Variants in STAU2 observed in about 807,000 individuals in gnomAD.
STAU2 encodes double-stranded RNA-binding protein Staufen homolog 2.
In STAU2, 20 loss-of-function variants were observed where a neutral mutation model predicts 65.9. The observed-to-expected ratio is 0.30, with a 90% CI of 0.21 to 0.44. The LOEUF (loss-of-function observed/expected upper bound fraction) is 0.44, where lower values mean the gene tolerates loss of function less well. STAU2 is among the 20% of genes least tolerant of loss of function. The probability of loss-of-function intolerance (pLI) is 1.00; values close to 1 mark genes in which losing one functional copy is unlikely to be tolerated. For synonymous variants in STAU2, 232 were observed against 233.9 expected (o/e 0.99, Z 0.07); for missense variants, 558 against 683.9 (o/e 0.82, Z 2.05).
intron 12 of STAU2, among the ~76,000 whole-genome samples, chr8:73,568,890 C>T (rs751800097): frequency 3.5e-4 from 53 of 152,272 alleles, no homozygotes; most frequent in Middle Eastern, 3.4e-3. Flanking sequence ...CAGCTCCATG[C>T]TGCAGCTCCC....
At chr8:73,659,853 C>T (rs1364615964) in intron 6 of STAU2, among the ~76,000 whole-genome samples, 3 of 152,042 alleles carry the variant, frequency 2.0e-5, no homozygotes. Context: ...ATTACGAATT[C>T]AGTATTAATC....
chr8:73,719,063 A>G (rs1429349989), intron 3 of STAU2, among the ~76,000 whole-genome samples: 1 of 152,200 alleles, frequency 6.6e-6, no homozygotes, highest in Non-Finnish European at 1.5e-5. Flanking sequence ...GGCAACGTCA[A>G]ACGGAACTGG....
chr8:73,495,685 A>ATATATATATATATATATATATG (rs1199482749), intron 13 of STAU2, among the ~76,000 whole-genome samples: 3 of 147,622 alleles, frequency 2.0e-5, no homozygotes, highest in African/African-American at 7.4e-5. Flanking sequence ...ATATATATAT[A>ATATATATATATATATATATATG]TATGTATAGT....
chr8:73,591,901 A>AAAC (rs1810823421), intron 11 of STAU2, among the ~76,000 whole-genome samples: 5 of 142,176 alleles, frequency 3.5e-5, no homozygotes, highest in South Asian at 2.3e-4. Flanking sequence ...AAAAAAAAAA[A>AAAC]AAAAAAAAAA....
chr8:73,734,624 T>A (rs576441041), intron 3 of STAU2, among the ~76,000 whole-genome samples: 41 of 152,114 alleles, frequency 2.7e-4, no homozygotes, highest in Non-Finnish European at 4.9e-4. Flanking sequence ...TGAAACTCCA[T>A]CTCTACTAAG....
chr8:73,604,778 C>T (rs1275601302), intron 9 of STAU2, among the ~76,000 whole-genome samples: 1 of 151,978 alleles, frequency 6.6e-6, no homozygotes, highest in Non-Finnish European at 1.5e-5. Flanking sequence ...GTCTAACAGC[C>T]CCAAGTGGTG....
intron 13 of STAU2, among the ~76,000 whole-genome samples, chr8:73,437,726 C>T (rs1230278703): frequency 1.3e-5 from 2 of 152,126 alleles, no homozygotes; most frequent in African/African-American, 4.8e-5. Context: ...GGCTGAGATG[C>T]CTGGGGAGGG....
At chr8:73,521,176 A>C (rs975923679) in intron 13 of STAU2, among the ~76,000 whole-genome samples, 2 of 152,156 alleles carry the variant, frequency 1.3e-5, no homozygotes, top group African/African-American at 4.8e-5. Context: ...AGGCGAGGAG[A>C]ATTTTAATTA....
chr8:73,690,465 G>A (rs1035833762), intron 4 of STAU2, among the ~76,000 whole-genome samples: 33 of 152,164 alleles, frequency 2.2e-4, no homozygotes, highest in African/African-American at 7.2e-4. Flanking sequence ...GGGGAAATGT[G>A]ACTATGAACT....
chr8:73,747,346 C>T, upstream of STAU2: 2 of 1,532,636 alleles, frequency 1.3e-6, no homozygotes, highest in African/African-American at 1.4e-5. Context: ...ACCGTCTGCT[C>T]TTTCTGGTCC....
In STAU2 at chr8:73,738,293, T is replaced by G; in HGVS notation, c.-27A>C. 6.2e-7 allele frequency: 1 copy of G among 1,610,342 alleles called. No individual in the cohort carries two copies. On this transcript the variant is annotated 5_prime_UTR_variant, in exon 3 of 15. Coordinates refer to ENST00000524300, the MANE Select transcript of STAU2 (RefSeq NM_001164380.2). ...CTTAACACAAACTCACCTGATTTATTTGAAGCATGTTAAGACAATATTGAC... is the reference window on the plus strand; with the variant it reads ...CTTAACACAAACTCACCTGATTTATGTGAAGCATGTTAAGACAATATTGAC...
chr8:73,568,469 G>A (rs1037754765), intron 12 of STAU2, among the ~76,000 whole-genome samples: 1 of 152,154 alleles, frequency 6.6e-6, no homozygotes, highest in Non-Finnish European at 1.5e-5. Flanking sequence ...TGGGTGTGGT[G>A]CCACGTGCCT....
chr8:73,682,514 A>G (rs1818505529), intron 5 of STAU2, among the ~76,000 whole-genome samples: 1 of 152,104 alleles, frequency 6.6e-6, no homozygotes, highest in Non-Finnish European at 1.5e-5. Flanking sequence ...TGCCTGCATG[A>G]AAAAGTCTGA....
chr8:73,582,276 C>T (rs778404930), intron 12 of STAU2, among the ~76,000 whole-genome samples: 3 of 151,466 alleles, frequency 2.0e-5, no homozygotes, highest in South Asian at 2.1e-4. Context: ...CTCAGCAAAA[C>T]GCAAAAAATG....
intron 12 of STAU2, among the ~76,000 whole-genome samples, chr8:73,568,537 A>G (rs561471862): frequency 2.0e-4 from 31 of 152,306 alleles, no homozygotes; most frequent in African/African-American, 7.5e-4. Context: ...CAGGAGTTCA[A>G]GTCTGCAATG....
chr8:73,705,714 G>C (rs1335793691), intron 4 of STAU2, among the ~76,000 whole-genome samples: 2 of 152,064 alleles, frequency 1.3e-5, no homozygotes, highest in Admixed American at 1.3e-4. Context: ...AGAAGACAAG[G>C]CAAAGACTAA....
chr8:73,669,452 CGACATTCTT>C (rs1817497617), intron 6 of STAU2, among the ~76,000 whole-genome samples: 1 of 151,882 alleles, frequency 6.6e-6, no homozygotes, highest in South Asian at 2.1e-4. Context: ...GAAAAAATGC[CGACATTCTT>C]AACAGAAAAT....
chr8:73,651,423 G>A, intron 6 of STAU2: 1 of 666,864 alleles, frequency 1.5e-6, no homozygotes, highest in Non-Finnish European at 2.8e-6. Flanking sequence ...ATAAAAACCT[G>A]GTTTCAAAAT....
intron 12 of STAU2, among the ~76,000 whole-genome samples, chr8:73,560,250 T>C (rs921273681): frequency 2.0e-5 from 3 of 151,950 alleles, no homozygotes; most frequent in African/African-American, 7.3e-5. Flanking sequence ...CTGGCTAATT[T>C]TTTATATTTT....
Sources: gnomAD v4.1 joint callset for allele counts (sites outside exome capture counted in the v4.1 genomes callset) on GRCh38, gnomAD v4.1.1 for gene constraint, MANE v1.5 for transcripts, NCBI Gene and HGNC (gene_info 2026-07-23, HGNC 2026-07-21) for gene names.